The following KMT5C variants were observed in gnomAD, a reference collection of about 807,000 sequenced individuals.
KMT5C encodes the protein lysine methyltransferase 5C, also known as histone-lysine N-methyltransferase KMT5C.
In KMT5C, 16 loss-of-function variants were observed where a neutral mutation model predicts 38.2. That is an observed-to-expected ratio of 0.42 (90% CI 0.28 to 0.64). The LOEUF (loss-of-function observed/expected upper bound fraction) is 0.64. KMT5C is among the 30% of genes least tolerant of loss of function. KMT5C has a pLI of 0.23. For missense variants in KMT5C, 598 were observed against 665.1 expected, an observed-to-expected ratio of 0.90 and a Z score of 1.11; for synonymous variants, 291 against 279.0, an observed-to-expected ratio of 1.04 and a Z score of -0.43.
Position 55,342,268 on chromosome 19 carries a change from TCCTGAGGCAGCGGGA to T in KMT5C, c.169_183del (p.Arg57_Leu61del). ...CACCTGCGCTCAGCGCTGGAAACTT[TCCTGAGGCAGCGGGA>T]CCTGGAGGCTGCGTACCGGGCCCTG... On this transcript the variant is annotated inframe_deletion, in exon 3 of 9. Coordinates refer to ENST00000255613, the MANE Select transcript of KMT5C (RefSeq NM_032701.4). The T allele has an allele frequency of 6.2e-7, 1 of 1,608,088 alleles. No homozygotes were observed. The highest frequency in any genetic ancestry group is 8.5e-7 in the Non-Finnish European group (1 of 1,178,218).
chr19:55,341,963 A>G lies in KMT5C; in HGVS notation c.27A>G (p.Arg9=). Reference sequence around the variant, plus strand: ...TGGGGCCCGACAGAGTGACAGCACGAGAACTGTGCGAGAACGACGACCTGG... The same window carrying G: ...TGGGGCCCGACAGAGTGACAGCACGGGAACTGTGCGAGAACGACGACCTGG... MGPDRVTA[R]ELCENDDLAT... Residue 9 remains arginine, a synonymous_variant, in exon 2 of 9, where the codon CGA becomes CGG. Coordinates refer to ENST00000255613, the MANE Select transcript of KMT5C (RefSeq NM_032701.4). 1 of 1,613,612 alleles carries G rather than the reference A, an allele frequency of 6.2e-7. No homozygotes were observed. Among genetic ancestry groups the G allele is most frequent in the Non-Finnish European group, 8.5e-7 (1 of 1,179,916 alleles).
chr19:55,347,907 T>G lies in KMT5C; in HGVS notation c.*458T>G. On this transcript the variant is annotated 3_prime_UTR_variant, in exon 9 of 9. Transcript: ENST00000255613. This position sits in a 1 kb window ranked among gnomAD's most constrained non-coding sequence, Gnocchi z 4.6. ...CTCTCAGCTCTGCAGCTGTCTGCGG[T>G]GGGGGGAAGGTTGGGGGGTGTCTGG... The G allele has an allele frequency of 6.3e-6, 1 of 158,684 alleles. No homozygotes were observed. The highest frequency in any genetic ancestry group is 1.4e-5 in the Non-Finnish European group (1 of 72,560). 9.8% of individuals were successfully genotyped at this position (158,684 alleles called of 1,614,324 possible).
In KMT5C at chr19:55,343,179, T is replaced by TGCCCCTGCCCCC. The variant is rs1247182875; in HGVS notation, c.386+339_386+340insCGCCCCTGCCCC. 1.4e-5 allele frequency: 5 copies of TGCCCCTGCCCCC among 352,396 alleles called. No homozygotes were observed. The highest frequency in any genetic ancestry group is 2.1e-5 in the Non-Finnish European group (4 of 187,654). The allele number at this position is 352,396 out of a possible 1,614,324, so 21.8% of individuals were successfully genotyped here. A position where few individuals can be genotyped will look rare whatever the true frequency, so the allele number is the denominator to read the frequency against. On this transcript the variant is annotated intron_variant, in intron 4 of 8. Coordinates refer to ENST00000255613, the MANE Select transcript of KMT5C (RefSeq NM_032701.4). This position sits in a 1 kb window ranked among gnomAD's most constrained non-coding sequence, Gnocchi z 5.5. ...ACCCCTGAGTGCAATGAGGAGCCCC[T>TGCCCCTGCCCCC]GCCCCTGCCCCTGCGGGGTTCACAG...
intron 6 of KMT5C, chr19:55,344,762 G>T: frequency 1.9e-6 from 1 of 528,090 alleles, no homozygotes; most frequent in Non-Finnish European, 3.9e-6. Context: ...CCTGTAGCCC[G>T]GAAGCAGAAG....
At chr19:55,345,311 C>T in intron 6 of KMT5C, 1 of 352,244 alleles carries the variant, frequency 2.8e-6, no homozygotes, top group Non-Finnish European at 5.6e-6. Context: ...GCAGCAAGGC[C>T]TTGGGGTCCG....
In KMT5C at chr19:55,346,584, C is replaced by G. The variant is rs200130643; in HGVS notation, c.792C>G (p.Thr264=). 6.3e-7 allele frequency: 1 copy of G among 1,582,456 alleles called. No homozygotes were observed. The highest frequency in any genetic ancestry group is 1.3e-5 in the African/African-American group (1 of 74,166). ...RPLDKYQLRE[T]KRRLQQGLDS... ...TGGACAAGTACCAGCTGCGTGAGAC[C>G]AAGCGGCGGCTGCAGCAAGGCCTGG... Residue 264 remains threonine, a synonymous_variant, in exon 8 of 9, where the codon ACC becomes ACG. Transcript: ENST00000255613.
intron 8 of KMT5C, 114 bp downstream of exon 8, chr19:55,346,801 C>T (rs952894695): frequency 2.5e-5 from 17 of 686,086 alleles, no homozygotes; most frequent in East Asian, 5.9e-5. Flanking sequence ...CACCCTCAGT[C>T]GCTGGCAGGC....
At chr19:55,340,548 C>A (rs753253797) in intron 1 of KMT5C, among the ~76,000 whole-genome samples, 1 of 151,942 alleles carries the variant, frequency 6.6e-6, no homozygotes, top group Non-Finnish European at 1.5e-5. Flanking sequence ...CCTACCCAGG[C>A]GCCTCCCTGG....
rs1296130413 is a variant in KMT5C, at chr19:55,343,632, C to T, written c.387-48C>T. The T allele has an allele frequency of 6.5e-7, 1 of 1,541,342 alleles. No homozygotes were observed. Among genetic ancestry groups the T allele is most frequent in the Admixed American group, 2.0e-5 (1 of 50,888 alleles). On this transcript the variant is annotated intron_variant, in intron 4 of 8. Coordinates refer to ENST00000255613, the MANE Select transcript of KMT5C (RefSeq NM_032701.4). The surrounding 1 kb of genome is among the most constrained non-coding windows in gnomAD (Gnocchi z 5.5). The stretch of plus-strand genomic sequence containing the variant: ...GAGGCCCGAGTCCCCTGAACACCTG[C>T]AGGAGGCCAGGCATCGCCCACAGCC...
At chr19:55,342,406 C>T in intron 3 of KMT5C, 26 bp downstream of exon 3, 1 of 1,448,278 alleles carries the variant, frequency 6.9e-7, no homozygotes, top group East Asian at 2.5e-5. Context: ...CCTCCCCCGC[C>T]CTCACCGCGT....
chr19:55,342,932 C>T (rs1370346443), intron 4 of KMT5C, 81 bp downstream of exon 4: 5 of 930,426 alleles, frequency 5.4e-6, no homozygotes, highest in Non-Finnish European at 8.8e-6. Context: ...TGTTCATGGA[C>T]TGGCCAACCG....
chr19:55,340,038 T>G (rs953873701), intron 1 of KMT5C, 81 bp downstream of exon 1: 5 of 49,362 alleles, frequency 1.0e-4, no homozygotes, highest in African/African-American at 4.0e-4. Context: ...AGTCGCCCCC[T>G]GCCCCGACTG....
Position 55,344,975 on chromosome 19 carries a change from G to A in KMT5C, c.570+978G>A, listed in dbSNP as rs554844226. On this transcript the variant is annotated intron_variant, in intron 6 of 8. Coordinates refer to ENST00000255613, the MANE Select transcript of KMT5C (RefSeq NM_032701.4). Reference sequence around the variant, plus strand: ...TTGGTGAGGATCTCTGGAACTCTGCGGGCTGGTCAAGTGTGCCGGAGGGTT... The same window carrying A: ...TTGGTGAGGATCTCTGGAACTCTGCAGGCTGGTCAAGTGTGCCGGAGGGTT... The A allele has an allele frequency of 6.1e-5, 28 of 462,248 alleles. No homozygotes were observed. In the East Asian group the frequency reaches 9.0e-4, roughly 15 times the overall value. 28.6% of individuals were successfully genotyped at this position (462,248 alleles called of 1,614,324 possible).
intron 6 of KMT5C, among the ~76,000 whole-genome samples, chr19:55,345,545 C>T (rs2089607784): frequency 6.6e-6 from 1 of 152,112 alleles, no homozygotes; most frequent in Non-Finnish European, 1.5e-5. Context: ...GCCGGTTGGT[C>T]TGGGGGCCGT....
rs1227701030 is a variant in KMT5C at position 55,347,489 on chromosome 19, T to C, written c.*40T>C. Reference sequence around the variant, plus strand: ...AGGCCCAGCAGGGAGAGAGGGTCTCTCTCCTAGCTGCTACCCAGGACCTCC... The same window carrying C: ...AGGCCCAGCAGGGAGAGAGGGTCTCCCTCCTAGCTGCTACCCAGGACCTCC... On this transcript the variant is annotated 3_prime_UTR_variant, in exon 9 of 9. Transcript: ENST00000255613. This position sits in a 1 kb window ranked among gnomAD's most constrained non-coding sequence, Gnocchi z 4.6. The C allele has an allele frequency of 1.3e-6, 2 of 1,502,050 alleles. No homozygotes were observed. Among genetic ancestry groups the C allele is most frequent in the East Asian group, 2.3e-5 (1 of 43,630 alleles). 93.0% of individuals were successfully genotyped at this position (1,502,050 alleles called of 1,614,324 possible).
At chr19:55,345,123 G>A (rs188917362) in intron 6 of KMT5C, 27 of 453,052 alleles carry the variant, frequency 6.0e-5, no homozygotes, top group Admixed American at 1.9e-4. Context: ...TTGAGCACAC[G>A]AGAGGGCGGC....
intron 8 of KMT5C, 80 bp from the exon 9 acceptor site, chr19:55,346,876 T>C (rs2089625410): frequency 7.7e-6 from 6 of 774,780 alleles, no homozygotes; most frequent in Non-Finnish European, 1.3e-5. Context: ...TGCCTCCTTG[T>C]CCAGAGGAGG....
In KMT5C at chr19:55,343,941, C is replaced by T; in HGVS notation, c.551-37C>T. ...TCTGCGACTGAGCTGCCGAGCTCATCTACCTCTCTTCTCTCTCCTGCCCCA... is the reference window on the plus strand; with the variant it reads ...TCTGCGACTGAGCTGCCGAGCTCATTTACCTCTCTTCTCTCTCCTGCCCCA... On this transcript the variant is annotated intron_variant, in intron 5 of 8. Transcript: ENST00000255613. This position sits in a 1 kb window ranked among gnomAD's most constrained non-coding sequence, Gnocchi z 5.5. 1 of 1,610,608 alleles carries T rather than the reference C, an allele frequency of 6.2e-7. No homozygotes were observed. The highest frequency in any genetic ancestry group is 8.5e-7 in the Non-Finnish European group (1 of 1,177,200).
rs892201221 is a variant in KMT5C at position 55,347,544 on chromosome 19, G to A, written c.*95G>A. On this transcript the variant is annotated 3_prime_UTR_variant, in exon 9 of 9. Coordinates refer to ENST00000255613, the MANE Select transcript of KMT5C (RefSeq NM_032701.4). The surrounding 1 kb of genome is among the most constrained non-coding windows in gnomAD (Gnocchi z 4.6). ...GGAGCCCTTGGACCTCTGGGAGGGAGCTGACCCTTGACTCCAGCATAGCTC... is the reference window on the plus strand; with the variant it reads ...GGAGCCCTTGGACCTCTGGGAGGGAACTGACCCTTGACTCCAGCATAGCTC... 7.6e-6 allele frequency: 11 copies of A among 1,447,100 alleles called. No homozygotes were observed. The highest frequency in any genetic ancestry group is 9.9e-6 in the Non-Finnish European group (11 of 1,106,036). The allele number at this position is 1,447,100 out of a possible 1,614,324, so 89.6% of individuals were successfully genotyped here. A position where few individuals can be genotyped will look rare whatever the true frequency, so the allele number is the denominator to read the frequency against.
Sources: gnomAD v4.1 joint callset for allele counts (sites outside exome capture counted in the v4.1 genomes callset) on GRCh38, gnomAD v4.1.1 for gene constraint, Gnocchi (gnomAD v3.1) non-coding constraint, MANE v1.5 for transcripts, NCBI Gene and HGNC (gene_info 2026-07-23, HGNC 2026-07-21) for gene names.